ZBTB16: variants seen among roughly 807,000 people sequenced by gnomAD.
The protein encoded by ZBTB16 is zinc finger and BTB domain containing 16.
In ZBTB16, 8 loss-of-function variants were observed where a neutral mutation model predicts 56.8. The observed-to-expected ratio is 0.14, with a 90% CI of 0.08 to 0.25. The LOEUF is 0.25. Among genes scored for constraint, ZBTB16 ranks in the 10% least tolerant of loss-of-function variants. The probability of loss-of-function intolerance (pLI) is 1.00; values close to 1 mark genes in which losing one functional copy is unlikely to be tolerated. For synonymous variants in ZBTB16, 363 were observed against 368.5 expected (o/e 0.98, Z 0.17); for missense variants, 625 against 903.0 (o/e 0.69, Z 3.95).
intron 3 of ZBTB16, among the ~76,000 whole-genome samples, chr11:114,157,498 C>T (rs1032552249): frequency 1.3e-5 from 2 of 152,204 alleles, no homozygotes; most frequent in Non-Finnish European, 2.9e-5. Context: ...TCTGCTTGCA[C>T]CTTCCTCCCT....
At chr11:114,208,076 C>T (rs1943925118) in intron 4 of ZBTB16, among the ~76,000 whole-genome samples, 1 of 152,176 alleles carries the variant, frequency 6.6e-6, no homozygotes, top group Non-Finnish European at 1.5e-5. Context: ...ATAGAGTCTT[C>T]TCAGCTCATT....
chr11:114,103,729 C>T (rs113593096), intron 2 of ZBTB16, among the ~76,000 whole-genome samples: 13 of 152,118 alleles, frequency 8.5e-5, no homozygotes, highest in African/African-American at 1.4e-4. Context: ...ATAGAGGTAA[C>T]GTTTAACCCA....
intron 2 of ZBTB16, among the ~76,000 whole-genome samples, chr11:114,089,151 C>T (rs1304734245): frequency 6.6e-6 from 1 of 152,174 alleles, no homozygotes; most frequent in Non-Finnish European, 1.5e-5. Context: ...GAGTGGCGGG[C>T]AGGGATCTGC....
rs1260321141 is a variant in ZBTB16, at chr11:114,255,237, T to G, written c.*4682T>G. Among the ~76,000 whole-genome samples, 1 of 152,232 alleles carries G rather than the reference T, an allele frequency of 6.6e-6. No homozygotes were observed. Among genetic ancestry groups the G allele is most frequent in the Non-Finnish European group, 1.5e-5 (1 of 68,034 alleles). On this transcript the variant is annotated 3_prime_UTR_variant, in exon 7 of 7. Transcript: ENST00000335953. ...TATTTGTTTGTTTTTGTGGCTTGTC[T>G]TATGTCGTGATAGCACAAGTGCCAG...
chr11:114,157,362 C>T (rs149748540), intron 3 of ZBTB16, among the ~76,000 whole-genome samples: 6 of 152,332 alleles, frequency 3.9e-5, no homozygotes, highest in African/African-American at 4.8e-5. Context: ...TCAGTTTCTG[C>T]ATCTGTCAAG....
chr11:114,093,829 A>G (rs1298899456), intron 2 of ZBTB16, among the ~76,000 whole-genome samples: 1 of 152,206 alleles, frequency 6.6e-6, no homozygotes, highest in African/African-American at 2.4e-5. Flanking sequence ...ATAGTTTCTA[A>G]AAAAGGCATC....
At position 114,204,464 on chromosome 11, in the gene ZBTB16, G is replaced by C. The variant is rs567387690; in HGVS notation, c.1453+17426G>C. 3.3e-5 allele frequency among the ~76,000 whole-genome samples: 5 copies of C among 152,174 alleles called. No individual in the cohort carries two copies. The East Asian group carries it at 9.7e-4, about 29-fold the overall frequency. On this transcript the variant is annotated intron_variant, in intron 4 of 6. Coordinates refer to ENST00000335953, the MANE Select transcript of ZBTB16 (RefSeq NM_006006.6). Reference sequence around the variant, plus strand: ...CTCATTTTTCTTTTATTCACAAATGGGGCTATGATATTCAGTGCATACTGT... The same window carrying C: ...CTCATTTTTCTTTTATTCACAAATGCGGCTATGATATTCAGTGCATACTGT...
At chr11:114,094,488 A>G (rs1011492882) in intron 2 of ZBTB16, among the ~76,000 whole-genome samples, 48 of 152,214 alleles carry the variant, frequency 3.2e-4, no homozygotes, top group African/African-American at 1.2e-3. Flanking sequence ...CATGGATTGC[A>G]ATGCTGTGGC....
chr11:114,201,493 C>T (rs1943736279), intron 4 of ZBTB16, among the ~76,000 whole-genome samples: 1 of 152,206 alleles, frequency 6.6e-6, no homozygotes, highest in African/African-American at 2.4e-5. Context: ...CTCAGAAACC[C>T]TTGGCGTTTC....
intron 5 of ZBTB16, among the ~76,000 whole-genome samples, chr11:114,243,203 T>C (rs915093123): frequency 6.6e-6 from 1 of 152,268 alleles, no homozygotes; most frequent in Non-Finnish European, 1.5e-5. Flanking sequence ...TTTCTGAGTC[T>C]GCCTTTGTGT....
chr11:114,191,231 C>T, intron 4 of ZBTB16, among the ~76,000 whole-genome samples: 1 of 152,138 alleles, frequency 6.6e-6, no homozygotes, highest in East Asian at 1.9e-4. Context: ...GACAAATATC[C>T]AAACTATATT....
chr11:114,185,348 C>T (rs181431925), intron 3 of ZBTB16, among the ~76,000 whole-genome samples: 124 of 152,228 alleles, frequency 8.1e-4, no homozygotes, highest in African/African-American at 2.9e-3. Flanking sequence ...AAGTGGGATT[C>T]GAACAGATGG....
chr11:114,099,205 A>G (rs1940522308), intron 2 of ZBTB16, among the ~76,000 whole-genome samples: 1 of 152,152 alleles, frequency 6.6e-6, no homozygotes, highest in African/African-American at 2.4e-5. Flanking sequence ...TGGGGGAGAG[A>G]GAGGTGCTAC....
intron 4 of ZBTB16, among the ~76,000 whole-genome samples, chr11:114,196,610 A>G (rs913916196): frequency 1.3e-5 from 2 of 152,140 alleles, no homozygotes; most frequent in African/African-American, 4.8e-5. Flanking sequence ...CTTATCCTGT[A>G]GTTCCTTCAT....
At chr11:114,135,238 T>G (rs989963783) in intron 2 of ZBTB16, among the ~76,000 whole-genome samples, 1 of 152,218 alleles carries the variant, frequency 6.6e-6, no homozygotes, top group Non-Finnish European at 1.5e-5. Context: ...TATGGCAGCT[T>G]GTGGCTGCCA....
At chr11:114,076,675 A>T (rs971856076) in intron 2 of ZBTB16, among the ~76,000 whole-genome samples, 2 of 148,670 alleles carry the variant, frequency 1.3e-5, no homozygotes, top group Non-Finnish European at 3.0e-5. Context: ...GTACCTAAAA[A>T]CAATGTGAAG....
intron 2 of ZBTB16, among the ~76,000 whole-genome samples, chr11:114,134,165 G>A (rs1291355319): frequency 1.3e-5 from 2 of 152,146 alleles, no homozygotes; most frequent in Non-Finnish European, 2.9e-5. Flanking sequence ...AGGACTCTGC[G>A]AGCTCACCAG....
Position 114,071,411 on chromosome 11 carries a change from A to T in ZBTB16, c.1268+6843A>T, listed in dbSNP as rs183591332. ...GTGAGAAGTCCCATTTTAATTTGCC[A>T]TCACTATTGGATGGAGCCGCTAATT... On this transcript the variant is annotated intron_variant, in intron 2 of 6. Transcript: ENST00000335953. Among the ~76,000 whole-genome samples the T allele has an allele frequency of 1.8e-3, 275 of 152,238 alleles. 8 individuals are homozygous for T. The highest frequency in any genetic ancestry group is 0.018 in the Admixed American group (273 of 15,292).
At chr11:114,164,641 C>A (rs555377970) in intron 3 of ZBTB16, among the ~76,000 whole-genome samples, 1 of 152,184 alleles carries the variant, frequency 6.6e-6, no homozygotes, top group Non-Finnish European at 1.5e-5. Context: ...AGACACACAC[C>A]CTGCCGGAAG....
Sources: gnomAD v4.1 joint callset for allele counts (sites outside exome capture counted in the v4.1 genomes callset) on GRCh38, gnomAD v4.1.1 for gene constraint, MANE v1.5 for transcripts, NCBI Gene and HGNC (gene_info 2026-07-23, HGNC 2026-07-21) for gene names.